The following GDI2 variants were observed in gnomAD, a reference collection of about 807,000 sequenced individuals.
GDI2 encodes the protein rab GDP dissociation inhibitor beta.
In GDI2, 22 loss-of-function variants were observed where a neutral mutation model predicts 54.2. The observed-to-expected ratio is 0.41, with a 90% CI of 0.29 to 0.58. The LOEUF is 0.58. GDI2 is among the 20% of genes least tolerant of loss of function. The probability of loss-of-function intolerance (pLI) is 0.35; values close to 1 mark genes in which losing one functional copy is unlikely to be tolerated. For missense variants in GDI2, 422 were observed against 546.0 expected (o/e 0.77, Z 2.26); for synonymous variants, 177 against 182.1 (o/e 0.97, Z 0.23).
chr10:5,782,265 A>C (rs761606110), intron 6 of GDI2, among the ~76,000 whole-genome samples: 5 of 152,210 alleles, frequency 3.3e-5, no homozygotes, highest in Admixed American at 1.3e-4. Context: ...TTAAAACCAT[A>C]ATGAGATAGC....
chr10:5,797,269 A>G (rs1005541224), intron 2 of GDI2, among the ~76,000 whole-genome samples: 8 of 151,674 alleles, frequency 5.3e-5, no homozygotes, highest in African/African-American at 1.9e-4. Flanking sequence ...AAATTGGCCA[A>G]GCATGGTGGC....
intron 1 of GDI2, among the ~76,000 whole-genome samples, chr10:5,806,069 G>A (rs571216526): frequency 6.6e-6 from 1 of 152,156 alleles, no homozygotes; most frequent in African/African-American, 2.4e-5. Context: ...ATCAAGAAGA[G>A]TATAAATACA....
chr10:5,794,597 A>G (rs1841107680), intron 4 of GDI2, among the ~76,000 whole-genome samples: 1 of 152,180 alleles, frequency 6.6e-6, no homozygotes, highest in Admixed American at 6.6e-5. Flanking sequence ...CATAGCTATT[A>G]TGAATTACTG....
At chr10:5,786,273 C>T (rs1039747388) in intron 4 of GDI2, among the ~76,000 whole-genome samples, 4 of 145,998 alleles carry the variant, frequency 2.7e-5, no homozygotes, top group Admixed American at 7.3e-5. Flanking sequence ...CGTGTTCAAG[C>T]GATTCTCCTG....
chr10:5,811,942 A>G lies in GDI2; in HGVS notation c.45+1272T>C, dbSNP rs1210268396. The G allele has an allele frequency of 3.9e-6, 4 of 1,033,282 alleles. No homozygotes were observed. In the South Asian group the frequency reaches 6.1e-5, roughly 16 times the overall value. 64.0% of individuals were successfully genotyped at this position (1,033,282 alleles called of 1,614,324 possible). A position where few individuals can be genotyped will look rare whatever the true frequency, so the allele number is the denominator to read the frequency against. ...TTGCCTAGAGACATCTAAAAGTGTT[A>G]TTTTGGGATGTTACCTGTAAAAAAA... On this transcript the variant is annotated intron_variant, in intron 1 of 10. Coordinates refer to ENST00000380191, the MANE Select transcript of GDI2 (RefSeq NM_001494.4).
At chr10:5,805,620 A>G (rs1841361707) in intron 1 of GDI2, among the ~76,000 whole-genome samples, 1 of 152,160 alleles carries the variant, frequency 6.6e-6, no homozygotes, top group African/African-American at 2.4e-5. Flanking sequence ...AGGTTTGCTC[A>G]AGCAATCCTC....
At position 5,805,588 on chromosome 10, in the gene GDI2, C is replaced by T. The variant is rs2131720719; in HGVS notation, c.46-4883G>A. 1.3e-5 allele frequency among the ~76,000 whole-genome samples: 2 copies of T among 152,146 alleles called. 1 individual carries two copies. Among genetic ancestry groups the T allele is most frequent in the South Asian group, 4.1e-4 (2 of 4,826 alleles). Reference sequence around the variant, plus strand: ...TAGCAACAGGATATCACTATGTAGCCCAGCCTTGGCCTTGCAAAGCAAGGT... The same window carrying T: ...TAGCAACAGGATATCACTATGTAGCTCAGCCTTGGCCTTGCAAAGCAAGGT... On this transcript the variant is annotated intron_variant, in intron 1 of 10. Transcript: ENST00000380191.
In GDI2 at chr10:5,768,092, C is replaced by T; in HGVS notation, c.991+121G>A. 1 of 766,970 alleles carries T rather than the reference C, an allele frequency of 1.3e-6. No homozygotes were observed. The highest frequency in any genetic ancestry group is 1.8e-5 in the South Asian group (1 of 56,900). 47.5% of individuals were successfully genotyped at this position (766,970 alleles called of 1,614,324 possible). A position where few individuals can be genotyped will look rare whatever the true frequency, so the allele number is the denominator to read the frequency against. ...GAGGAGGTACAAAGATTTTTTTCCC[C>T]CATATGTAAACCAAGGTCTGTTCAC... is the stretch of plus-strand genomic sequence containing the variant. On this transcript the variant is annotated intron_variant, in intron 8 of 10. Coordinates refer to ENST00000380191, the MANE Select transcript of GDI2 (RefSeq NM_001494.4). This position sits in a 1 kb window ranked among gnomAD's most constrained non-coding sequence, Gnocchi z 4.4.
At chr10:5,809,255 A>AAAAAAAAAAAAC (rs1554791067) in intron 1 of GDI2, among the ~76,000 whole-genome samples, 3 of 143,572 alleles carry the variant, frequency 2.1e-5, no homozygotes, top group African/African-American at 7.6e-5. Flanking sequence ...AAAAAAAAAC[A>AAAAAAAAAAAAC]AAAAAAAAAA....
intron 6 of GDI2, among the ~76,000 whole-genome samples, chr10:5,778,176 T>A (rs1419942002): frequency 6.6e-6 from 1 of 152,138 alleles, no homozygotes; most frequent in African/African-American, 2.4e-5. Context: ...AAGTACCTAA[T>A]GTAGATGATG....
At chr10:5,809,186 G>C (rs1967487) in intron 1 of GDI2, among the ~76,000 whole-genome samples, 5 of 149,370 alleles carry the variant, frequency 3.3e-5, no homozygotes, top group Admixed American at 2.7e-4. Flanking sequence ...CAGAGGTTGC[G>C]GTGAGCCGAG....
At chr10:5,781,287 A>G (rs1840748117) in intron 6 of GDI2, among the ~76,000 whole-genome samples, 1 of 151,862 alleles carries the variant, frequency 6.6e-6, no homozygotes. Context: ...AAAAAAAAAA[A>G]AAGACAATAG....
intron 6 of GDI2, among the ~76,000 whole-genome samples, 178 bp downstream of exon 6, chr10:5,784,964 A>AT (rs945498881): frequency 6.3e-4 from 96 of 152,176 alleles, no homozygotes; most frequent in African/African-American, 2.2e-3. Flanking sequence ...ATAAAACTGG[A>AT]TTTTTTTTAA....
chr10:5,783,520 T>C (rs900200531), intron 6 of GDI2, among the ~76,000 whole-genome samples: 7 of 152,174 alleles, frequency 4.6e-5, no homozygotes, highest in Non-Finnish European at 8.8e-5. Flanking sequence ...TTGTTTTTTT[T>C]CTTCATTGTG....
chr10:5,790,383 C>A (rs1180685249), intron 4 of GDI2, among the ~76,000 whole-genome samples: 3 of 152,102 alleles, frequency 2.0e-5, no homozygotes, highest in Non-Finnish European at 1.5e-5. Context: ...GTGGCTCACA[C>A]CTGTAATCCC....
At position 5,773,828 on chromosome 10, in the gene GDI2, TA is replaced by T; in HGVS notation, c.819+13del. On this transcript the variant is annotated intron_variant, in intron 7 of 10. Transcript: ENST00000380191. ...AAGAACATAGTAATTTTTTTCATTTTAAAAGCTACTTACTTCTCCTTCAGAT... is the reference window on the plus strand; with the variant it reads ...AAGAACATAGTAATTTTTTTCATTTTAAAGCTACTTACTTCTCCTTCAGAT... 8.8e-7 allele frequency: 1 copy of T among 1,135,558 alleles called. No individual in the cohort carries two copies. The highest frequency in any genetic ancestry group is 1.3e-5 in the South Asian group (1 of 76,508). 70.3% of individuals were successfully genotyped at this position (1,135,558 alleles called of 1,614,324 possible).
chr10:5,813,348 G>A lies in GDI2; in HGVS notation c.-90C>T. The stretch of plus-strand genomic sequence containing the variant: ...ACGAGGCTGGGAGGCGCTCTTGGGC[G>A]CGAAGGAAAGGGGAAGAGAAAGAGA... On this transcript the variant is annotated 5_prime_UTR_variant, in exon 1 of 11. Transcript: ENST00000380191. 2 of 929,742 alleles carry A rather than the reference G, an allele frequency of 2.2e-6. No homozygotes were observed. The highest frequency in any genetic ancestry group is 3.3e-6 in the Non-Finnish European group (2 of 606,646). 57.6% of individuals were successfully genotyped at this position (929,742 alleles called of 1,614,324 possible). A position where few individuals can be genotyped will look rare whatever the true frequency, so the allele number is the denominator to read the frequency against.
rs149545490 is a variant in GDI2 at position 5,773,293 on chromosome 10, C to G, written c.819+549G>C. 9.1e-3 allele frequency among the ~76,000 whole-genome samples: 1,389 copies of G among 151,838 alleles called. 10 individuals are homozygous for G. The highest frequency in any genetic ancestry group is 0.016 in the Non-Finnish European group (1,083 of 67,808). The stretch of plus-strand genomic sequence containing the variant: ...GCATCCTCTACTGCAAGAACTGTTG[C>G]AGATAGTAACAGTGTCAAATGGCAG... On this transcript the variant is annotated intron_variant, in intron 7 of 10. Coordinates refer to ENST00000380191, the MANE Select transcript of GDI2 (RefSeq NM_001494.4).
In GDI2 at chr10:5,776,631, C is replaced by A; in HGVS notation, c.720-2690G>T. 1 of 1,493,376 alleles carries A rather than the reference C, an allele frequency of 6.7e-7. No homozygotes were observed. The highest frequency in any genetic ancestry group is 1.1e-5 in the South Asian group (1 of 87,954). The allele number at this position is 1,493,376 out of a possible 1,614,324, so 92.5% of individuals were successfully genotyped here. A position where few individuals can be genotyped will look rare whatever the true frequency, so the allele number is the denominator to read the frequency against. ...GAAAAGGGCAGACTTCTAAATGGTC[C>A]AATAGAAAAGGAGCTGGATGTAGAT... On this transcript the variant is annotated intron_variant, in intron 6 of 10. Transcript: ENST00000380191. This position sits in a 1 kb window ranked among gnomAD's most constrained non-coding sequence, Gnocchi z 5.3.
Sources: gnomAD v4.1 joint callset for allele counts (sites outside exome capture counted in the v4.1 genomes callset) on GRCh38, gnomAD v4.1.1 for gene constraint, Gnocchi (gnomAD v3.1) non-coding constraint, MANE v1.5 for transcripts, NCBI Gene and HGNC (gene_info 2026-07-23, HGNC 2026-07-21) for gene names.